Variants in CIT observed in about 807,000 individuals in gnomAD.
CIT encodes the protein citron Rho-interacting kinase.
In CIT, 79 loss-of-function variants were observed where a neutral mutation model predicts 272.7. The observed-to-expected ratio is 0.29, with a 90% CI of 0.24 to 0.35. The LOEUF is 0.35. Among genes scored for constraint, CIT ranks in the 10% least tolerant of loss-of-function variants. The pLI is 1.00. For missense variants in CIT, 1,909 were observed against 2,618.3 expected (o/e 0.73, Z 5.91); for synonymous variants, 948 against 995.6 (o/e 0.95, Z 0.90).
At chr12:119,851,488 T>C (rs779615909) in intron 4 of CIT, among the ~76,000 whole-genome samples, 19 of 152,010 alleles carry the variant, frequency 1.2e-4, no homozygotes, top group Non-Finnish European at 1.9e-4. Context: ...GCAGAGAAAG[T>C]AAAAGTACCA....
At chr12:119,762,660 C>T (rs1961951713) in intron 19 of CIT, among the ~76,000 whole-genome samples, 1 of 152,136 alleles carries the variant, frequency 6.6e-6, no homozygotes. Flanking sequence ...GATGCCTCTG[C>T]TCAAAATAAG....
chr12:119,709,192 T>C (rs1262674022), intron 39 of CIT, among the ~76,000 whole-genome samples: 1 of 152,212 alleles, frequency 6.6e-6, no homozygotes, highest in East Asian at 1.9e-4. Context: ...TTCTATATGA[T>C]ACTCTATGTG....
intron 26 of CIT, among the ~76,000 whole-genome samples, chr12:119,733,880 T>C (rs1005269209): frequency 3.3e-5 from 5 of 152,130 alleles, no homozygotes; most frequent in African/African-American, 9.7e-5. Flanking sequence ...GAGAGTTTTC[T>C]GCACAGAAAA....
intron 5 of CIT, among the ~76,000 whole-genome samples, chr12:119,848,224 A>T (rs935035656): frequency 7.2e-5 from 11 of 152,250 alleles, no homozygotes; most frequent in African/African-American, 2.7e-4. Context: ...CACTCAGAGG[A>T]CAAGGAAAAC....
chr12:119,710,326 T>C lies in CIT; in HGVS notation c.4996A>G (p.Thr1666Ala). The part of the protein sequence containing the change: ...YALNVLKNSL[T>A]HVPGIGAVFQ... ...ACTGCTCCAATTCCTGGGACATGGG[T>C]TAGGGAGTTTTTCAAGACATTCAGG... Residue 1666 changes from threonine (T) to alanine (A), a missense_variant, in exon 39 of 48, where the codon ACC (threonine) becomes GCC (alanine). Physicochemically the swap from Thr to Ala is moderately conservative, Grantham distance 58. Around this residue, in one of 8 missense-constraint regions of CIT, gnomAD observed 780 missense variants for 1,067.2 expected, o/e 0.73. Coordinates refer to ENST00000392521, the MANE Select transcript of CIT (RefSeq NM_001206999.2). The surrounding 1 kb of genome is among the most constrained non-coding windows in gnomAD (Gnocchi z 5.6). 1 of 1,613,978 alleles carries C rather than the reference T, an allele frequency of 6.2e-7. No individual in the cohort carries two copies. The highest frequency in any genetic ancestry group is 8.5e-7 in the Non-Finnish European group (1 of 1,179,986).
At position 119,697,675 on chromosome 12, in the gene CIT, G is replaced by A. The variant is rs1463862046; in HGVS notation, c.5866C>T (p.Pro1956Ser). Reference sequence around the variant, plus strand: ...GCTGGTTACCTGCGGGAGGTGGACGGGCCCCGGTGGTGTTCAGTGCCGGAC... The same window carrying A: ...GCTGGTTACCTGCGGGAGGTGGACGAGCCCCGGTGGTGTTCAGTGCCGGAC... The part of the protein sequence containing the change: ...KESGTEHHRG[P>S]STSRSSPNKR... Residue 1956 changes from proline (P) to serine (S), a missense_variant, in exon 46 of 48, where the codon CCG becomes TCG. Pro to Ser is a moderately conservative substitution (Grantham distance 74, BLOSUM62 -1). Around this residue, in one of 8 missense-constraint regions of CIT, gnomAD observed 780 missense variants for 1,067.2 expected, o/e 0.73. Transcript: ENST00000392521. The surrounding 1 kb of genome is among the most constrained non-coding windows in gnomAD (Gnocchi z 4.9). 2 of 1,613,908 alleles carry A rather than the reference G, an allele frequency of 1.2e-6. No homozygotes were observed. Among genetic ancestry groups the A allele is most frequent in the South Asian group, 2.2e-5 (2 of 91,064 alleles).
chr12:119,773,187 T>G (rs1208097243), intron 16 of CIT, among the ~76,000 whole-genome samples: 2 of 152,172 alleles, frequency 1.3e-5, no homozygotes, highest in East Asian at 3.9e-4. Flanking sequence ...TTAAAATTGA[T>G]GCATTTTTCT....
intron 13 of CIT, among the ~76,000 whole-genome samples, chr12:119,780,385 A>G (rs1289001909): frequency 6.6e-6 from 1 of 152,140 alleles, no homozygotes; most frequent in Non-Finnish European, 1.5e-5. Flanking sequence ...TTGGGAGGCC[A>G]AGGCGGGCAG....
intron 23 of CIT, among the ~76,000 whole-genome samples, chr12:119,744,536 C>G: frequency 6.6e-6 from 1 of 151,540 alleles, no homozygotes; most frequent in East Asian, 1.9e-4. Flanking sequence ...TCCTGGCTAA[C>G]AGGATGGTCT....
rs114755569 is a variant in CIT, at chr12:119,747,971, C to T, written c.2904+4079G>A. On this transcript the variant is annotated intron_variant, in intron 23 of 47. Coordinates refer to ENST00000392521, the MANE Select transcript of CIT (RefSeq NM_001206999.2). ...TTGAGCCCAGGAGTTCAAGACCAGC[C>T]TGGGAAACACGGTGAAACCTCTTCT... Among the ~76,000 whole-genome samples the T allele has an allele frequency of 4.1e-3, 627 of 152,124 alleles. 3 individuals carry two copies. Among genetic ancestry groups the T allele is most frequent in the African/African-American group, 0.015 (604 of 41,514 alleles).
At chr12:119,868,161 T>C (rs572653503) in intron 3 of CIT, among the ~76,000 whole-genome samples, 1 of 152,202 alleles carries the variant, frequency 6.6e-6, no homozygotes, top group South Asian at 2.1e-4. Flanking sequence ...AGGTTGAAAC[T>C]GCAGTGAGCC....
At chr12:119,787,688 A>G (rs1243770365) in intron 10 of CIT, among the ~76,000 whole-genome samples, 1 of 146,864 alleles carries the variant, frequency 6.8e-6, no homozygotes, top group Non-Finnish European at 1.5e-5. Flanking sequence ...CCAAGATGGC[A>G]CCACAGCACT....
intron 40 of CIT, among the ~76,000 whole-genome samples, chr12:119,707,819 C>CA (rs1288638275): frequency 6.6e-6 from 1 of 152,188 alleles, no homozygotes; most frequent in Non-Finnish European, 1.5e-5. Flanking sequence ...CAATCTTACA[C>CA]AAAAAATACT....
intron 10 of CIT, among the ~76,000 whole-genome samples, chr12:119,801,117 T>C (rs888434220): frequency 6.6e-6 from 1 of 152,234 alleles, no homozygotes; most frequent in African/African-American, 2.4e-5. Context: ...ACAGTTTTAT[T>C]TGCATGGACC....
chr12:119,832,832 C>T lies in CIT; in HGVS notation c.692G>A (p.Arg231His), dbSNP rs765352405. The T allele has an allele frequency of 2.1e-5, 34 of 1,613,752 alleles. 1 individual carries two copies. The highest frequency in any genetic ancestry group is 5.3e-5 in the African/African-American group (4 of 74,888). The change falls in exon 7 of 48, where the codon CGC (arginine) becomes CAC (histidine). Residue 231 changes from arginine to histidine, a missense_variant. Arg to His is a conservative substitution (Grantham distance 29). Coordinates refer to ENST00000392521, the MANE Select transcript of CIT (RefSeq NM_001206999.2). Reference sequence around the variant, plus strand: ...ATCCACCAGCTTGATGTGTCCTGTGCGGTCAACGAGAATGTTCTCAGGCTT... The same window carrying T: ...ATCCACCAGCTTGATGTGTCCTGTGTGGTCAACGAGAATGTTCTCAGGCTT... The part of the protein sequence containing the change: ...DIKPENILVD[R>H]TGHIKLVDFG...
At chr12:119,843,930 G>A (rs936586891) in intron 5 of CIT, among the ~76,000 whole-genome samples, 6 of 151,988 alleles carry the variant, frequency 3.9e-5, no homozygotes, top group South Asian at 2.1e-4. Context: ...GTACGGTACC[G>A]ATATAAATCT....
At chr12:119,868,038 G>T (rs1053131430) in intron 3 of CIT, among the ~76,000 whole-genome samples, 3 of 152,138 alleles carry the variant, frequency 2.0e-5, no homozygotes, top group Non-Finnish European at 2.9e-5. Context: ...AAACCAGCCT[G>T]GGTAACATAG....
intron 3 of CIT, 135 bp from the exon 4 acceptor site, chr12:119,857,833 T>C: frequency 1.3e-6 from 1 of 782,198 alleles, no homozygotes; most frequent in Admixed American, 2.8e-5. Flanking sequence ...TTCTCATCCA[T>C]CATGAATAAT....
chr12:119,777,961 G>A (rs1374577018), intron 13 of CIT, among the ~76,000 whole-genome samples: 2 of 152,086 alleles, frequency 1.3e-5, no homozygotes, highest in Non-Finnish European at 2.9e-5. Context: ...AGCACAAGAG[G>A]GTAATTGAAA....
Sources: gnomAD v4.1 joint callset for allele counts (sites outside exome capture counted in the v4.1 genomes callset) on GRCh38, gnomAD v4.1.1 for gene constraint, gnomAD v4.1.1 regional missense constraint, Gnocchi (gnomAD v3.1) non-coding constraint, MANE v1.5 for transcripts, NCBI Gene and HGNC (gene_info 2026-07-23, HGNC 2026-07-21) for gene names.